CNTNAP2: variants seen among roughly 807,000 people sequenced by gnomAD.
CNTNAP2 encodes the protein contactin-associated protein-like 2.
Under a neutral mutation model 155.2 loss-of-function variants are expected in CNTNAP2, and 98 were observed. The ratio of observed to expected loss-of-function variants is 0.63; its 90% CI spans 0.54 to 0.75. CNTNAP2 has a LOEUF of 0.75. Ranked by LOEUF, CNTNAP2 falls within the 30% of genes least tolerant of loss-of-function variation. The pLI is 0.00. For missense variants in CNTNAP2, 1,727 were observed against 1,688.1 expected (o/e 1.02, Z -0.40); for synonymous variants, 651 against 631.2 (o/e 1.03, Z -0.47).
chr7:146,716,213 GAAAAAA>G (rs571237905), intron 1 of CNTNAP2, among the ~76,000 whole-genome samples: 4 of 113,040 alleles, frequency 3.5e-5, no homozygotes, highest in African/African-American at 6.0e-5. Flanking sequence ...AAGTCTGCAG[GAAAAAA>G]AAAAAAAAAA....
intron 15 of CNTNAP2, among the ~76,000 whole-genome samples, chr7:148,077,511 A>C (rs1437079970): frequency 3.3e-5 from 5 of 152,128 alleles, no homozygotes; most frequent in Admixed American, 3.3e-4. Context: ...ACAGACCATA[A>C]AGGTTGTGAG....
intron 4 of CNTNAP2, among the ~76,000 whole-genome samples, chr7:147,075,610 A>C (rs1275650611): frequency 1.3e-5 from 2 of 152,198 alleles, no homozygotes; most frequent in Non-Finnish European, 2.9e-5. Flanking sequence ...TGATATTTTT[A>C]AATGAATAAA....
Position 147,767,212 on chromosome 7 carries a change from T to G in CNTNAP2, c.2098+127906T>G, listed in dbSNP as rs564079407. Among the ~76,000 whole-genome samples the G allele has an allele frequency of 2.6e-5, 4 of 152,186 alleles. No individual in the cohort carries two copies. The East Asian group carries it at 7.7e-4, about 29-fold the overall frequency. On this transcript the variant is annotated intron_variant, in intron 13 of 23. Coordinates refer to ENST00000361727, the MANE Select transcript of CNTNAP2 (RefSeq NM_014141.6). ...TACAATATGTAAACAGAATTTTGAA[T>G]AAATTAAGAATATTTTCACTGTACT...
chr7:147,963,993 A>G (rs1305567155), intron 14 of CNTNAP2, among the ~76,000 whole-genome samples: 1 of 152,132 alleles, frequency 6.6e-6, no homozygotes, highest in Admixed American at 6.6e-5. Context: ...TCATCTATTA[A>G]GCCCTAACTC....
intron 1 of CNTNAP2, among the ~76,000 whole-genome samples, chr7:146,357,733 T>A (rs1563053578): frequency 6.6e-6 from 1 of 152,106 alleles, no homozygotes; most frequent in Non-Finnish European, 1.5e-5. Context: ...AGATACACTG[T>A]TACATCCAAA....
At chr7:147,614,850 T>A (rs1801251760) in intron 12 of CNTNAP2, among the ~76,000 whole-genome samples, 1 of 151,680 alleles carries the variant, frequency 6.6e-6, no homozygotes, top group Non-Finnish European at 1.5e-5. Context: ...TCTTTATTAT[T>A]TCTGGTGCCT....
chr7:146,740,695 A>G (rs1383970102), intron 1 of CNTNAP2, among the ~76,000 whole-genome samples: 2 of 152,176 alleles, frequency 1.3e-5, no homozygotes, highest in Non-Finnish European at 2.9e-5. Context: ...AGCTGGTACA[A>G]TGCTGGGGCA....
At chr7:146,936,350 C>T (rs1205067783) in intron 3 of CNTNAP2, among the ~76,000 whole-genome samples, 2 of 152,142 alleles carry the variant, frequency 1.3e-5, no homozygotes, top group African/African-American at 4.8e-5. Flanking sequence ...TTTTGTTTTT[C>T]TCCTGCAAAC....
chr7:147,153,377 C>T (rs1168591311), intron 8 of CNTNAP2, among the ~76,000 whole-genome samples: 2 of 151,700 alleles, frequency 1.3e-5, no homozygotes, highest in Non-Finnish European at 2.9e-5. Flanking sequence ...GTGAAAATAC[C>T]GTGAAAAAGA....
chr7:147,664,432 A>C (rs942874761), intron 13 of CNTNAP2, among the ~76,000 whole-genome samples: 5 of 152,124 alleles, frequency 3.3e-5, no homozygotes, highest in African/African-American at 1.2e-4. Context: ...TGTCTCAAAA[A>C]TCTGCCTCAA....
intron 3 of CNTNAP2, among the ~76,000 whole-genome samples, chr7:146,880,083 C>T (rs1358198829): frequency 2.0e-5 from 3 of 152,072 alleles, no homozygotes; most frequent in Non-Finnish European, 4.4e-5. Flanking sequence ...CCTCCCACAA[C>T]ACATGGGAAT....
At chr7:146,874,562 C>T (rs1200918229) in intron 3 of CNTNAP2, among the ~76,000 whole-genome samples, 3 of 152,256 alleles carry the variant, frequency 2.0e-5, no homozygotes, top group Non-Finnish European at 2.9e-5. Context: ...TTTTCTTGAA[C>T]TCCTGACCTC....
At chr7:147,143,820 T>C (rs891705432) in intron 8 of CNTNAP2, among the ~76,000 whole-genome samples, 1 of 152,186 alleles carries the variant, frequency 6.6e-6, no homozygotes, top group African/African-American at 2.4e-5. Flanking sequence ...GTAAACTATT[T>C]CAGGAGTAAA....
At chr7:147,247,444 G>T in intron 8 of CNTNAP2, among the ~76,000 whole-genome samples, 1 of 152,230 alleles carries the variant, frequency 6.6e-6, no homozygotes, top group Admixed American at 6.5e-5. Context: ...CCTGCTCCCA[G>T]ATTCCCATTA....
intron 1 of CNTNAP2, among the ~76,000 whole-genome samples, chr7:146,154,399 A>C (rs1048843604): frequency 4.6e-5 from 7 of 152,260 alleles, no homozygotes; most frequent in African/African-American, 1.7e-4. Context: ...AATTTGTTTC[A>C]TCATATGCAC....
chr7:147,964,371 G>C (rs1445630871), intron 14 of CNTNAP2, among the ~76,000 whole-genome samples: 2 of 152,068 alleles, frequency 1.3e-5, no homozygotes, highest in Non-Finnish European at 2.9e-5. Flanking sequence ...ATTTAGAATT[G>C]GTCATCAAGA....
In CNTNAP2 at chr7:146,848,725, A is replaced by G. The variant is rs372650892; in HGVS notation, c.402+8821A>G. Among the ~76,000 whole-genome samples the G allele has an allele frequency of 2.0e-5, 3 of 152,266 alleles. No individual in the cohort carries two copies. In the East Asian group the frequency reaches 5.8e-4, roughly 29 times the overall value. The stretch of plus-strand genomic sequence containing the variant: ...GAATGGAGAGTGGGATTCTATAAAT[A>G]ACTGCGTTTTTCCTGACTTTCTGAC... On this transcript the variant is annotated intron_variant, in intron 3 of 23. Transcript: ENST00000361727.
At chr7:146,395,516 C>T (rs769776962) in intron 1 of CNTNAP2, among the ~76,000 whole-genome samples, 1 of 152,114 alleles carries the variant, frequency 6.6e-6, no homozygotes, top group Non-Finnish European at 1.5e-5. Context: ...CAGTATTCCT[C>T]ATCCTTAGAA....
At chr7:147,325,142 TA>T (rs1795429113) in intron 9 of CNTNAP2, among the ~76,000 whole-genome samples, 1 of 151,998 alleles carries the variant, frequency 6.6e-6, no homozygotes, top group South Asian at 2.1e-4. Flanking sequence ...GTACTAAAAA[TA>T]CAAAAAATTA....
Sources: gnomAD v4.1 joint callset for allele counts (sites outside exome capture counted in the v4.1 genomes callset) on GRCh38, gnomAD v4.1.1 for gene constraint, MANE v1.5 for transcripts, NCBI Gene and HGNC (gene_info 2026-07-23, HGNC 2026-07-21) for gene names.